The following ZNF532 variants were observed in gnomAD, a reference collection of about 807,000 sequenced individuals.
ZNF532 encodes the protein zinc finger protein 532.
ZNF532 carries 22 observed loss-of-function variants against 89.3 expected under a neutral mutation model. The observed-to-expected ratio is 0.25, with a 90% CI of 0.18 to 0.35. The LOEUF is 0.35. Among genes scored for constraint, ZNF532 ranks in the 10% least tolerant of loss-of-function variants. The pLI is 1.00. For synonymous variants in ZNF532, 606 were observed against 649.6 expected, an observed-to-expected ratio of 0.93 and a Z score of 1.02; for missense variants, 1,132 against 1,643.4, an observed-to-expected ratio of 0.69 and a Z score of 5.38.
intron 3 of ZNF532, among the ~76,000 whole-genome samples, chr18:58,932,134 A>G (rs902657604): frequency 6.6e-6 from 1 of 152,150 alleles, no homozygotes; most frequent in African/African-American, 2.4e-5. Flanking sequence ...CAGGAATTGC[A>G]AAGTATGAAA....
At chr18:58,884,001 A>G (rs1477367498) in intron 2 of ZNF532, among the ~76,000 whole-genome samples, 6 of 151,866 alleles carry the variant, frequency 4.0e-5, no homozygotes, top group Non-Finnish European at 5.9e-5. Flanking sequence ...ACCTTCAGCT[A>G]CTAGTTTTCT....
At chr18:58,889,617 T>G (rs916850219) in intron 2 of ZNF532, among the ~76,000 whole-genome samples, 1 of 151,480 alleles carries the variant, frequency 6.6e-6, no homozygotes, top group African/African-American at 2.4e-5. Flanking sequence ...CTGGCCAATA[T>G]GGTGAAACCC....
chr18:58,965,389 T>TA (rs1315976773), intron 7 of ZNF532, among the ~76,000 whole-genome samples: 1 of 152,236 alleles, frequency 6.6e-6, no homozygotes, highest in African/African-American at 2.4e-5. Flanking sequence ...TTCAATAACT[T>TA]ACCCCAGGGT....
intron 2 of ZNF532, among the ~76,000 whole-genome samples, chr18:58,895,465 T>G (rs530792304): frequency 3.3e-5 from 5 of 152,246 alleles, no homozygotes; most frequent in African/African-American, 1.2e-4. Context: ...GGAACTCTTG[T>G]GGCAAAGAAA....
chr18:58,985,674 T>C lies in ZNF532; in HGVS notation c.*1208T>C, dbSNP rs1283689569. ...GAGGTACTCTTCTGTCCCTTCCGTT[T>C]ATAGTTCTCTGAGAGAGTTCTATTT... On this transcript the variant is annotated 3_prime_UTR_variant, in exon 10 of 10. Coordinates refer to ENST00000591808, the MANE Select transcript of ZNF532 (RefSeq NM_001375912.1). 6.6e-6 allele frequency: 1 copy of C among 152,624 alleles called. No individual in the cohort carries two copies. Among genetic ancestry groups the C allele is most frequent in the Non-Finnish European group, 1.5e-5 (1 of 68,038 alleles). 9.5% of individuals were successfully genotyped at this position (152,624 alleles called of 1,614,324 possible).
intron 2 of ZNF532, among the ~76,000 whole-genome samples, chr18:58,907,183 T>TTTTG (rs2059981984): frequency 6.6e-6 from 1 of 152,152 alleles, no homozygotes; most frequent in African/African-American, 2.4e-5. Flanking sequence ...CTTATGAGTT[T>TTTTG]TTTGTTTGTT....
rs1252167250 is a variant in ZNF532 at position 58,888,895 on chromosome 18, AT to A, written c.-18+23317del. Among the ~76,000 whole-genome samples the A allele has an allele frequency of 1.1e-3, 74 of 64,702 alleles. 6 individuals are homozygous for A. The highest frequency in any genetic ancestry group is 4.8e-3 in the African/African-American group (70 of 14,532). 42.4% of individuals were successfully genotyped at this position (64,702 alleles called of 152,430 possible). A position where few individuals can be genotyped will look rare whatever the true frequency, so the allele number is the denominator to read the frequency against. Reference sequence around the variant, plus strand: ...TATATATTATATATATATATTTTATATATATATATATATATATAATTCATAC... The same window carrying A: ...TATATATTATATATATATATTTTATAATATATATATATATATAATTCATAC... On this transcript the variant is annotated intron_variant, in intron 2 of 9. Transcript: ENST00000591808.
Position 58,927,206 on chromosome 18 carries a change from A to T in ZNF532, c.2346+6573A>T, listed in dbSNP as rs370703608. ...GGGGAATTGGCAGAGATCAAAATTT[A>T]CCTTTGCTACTGGGCTTCTCTGACA... On this transcript the variant is annotated intron_variant, in intron 3 of 9. Transcript: ENST00000591808. Among the ~76,000 whole-genome samples, 45 of 152,188 alleles carry T rather than the reference A, an allele frequency of 3.0e-4. 1 individual carries two copies. The highest frequency in any genetic ancestry group is 1.0e-3 in the African/African-American group (43 of 41,514).
rs2068378034 is a variant in ZNF532 at position 58,986,258 on chromosome 18, A to C, written c.*1792A>C. ...GTTTCTGCATTTGAACCTTGCAATA[A>C]GCCTGTGTGGTAGGCCACATAGGTC... On this transcript the variant is annotated 3_prime_UTR_variant, in exon 10 of 10. Transcript: ENST00000591808. 6.6e-6 allele frequency: 1 copy of C among 152,660 alleles called. No homozygotes were observed. Among genetic ancestry groups the C allele is most frequent in the Non-Finnish European group, 1.5e-5 (1 of 68,052 alleles). 9.5% of individuals were successfully genotyped at this position (152,660 alleles called of 1,614,324 possible). A position where few individuals can be genotyped will look rare whatever the true frequency, so the allele number is the denominator to read the frequency against.
At chr18:58,961,954 GT>G (rs1250084407) in intron 7 of ZNF532, among the ~76,000 whole-genome samples, 2 of 152,200 alleles carry the variant, frequency 1.3e-5, no homozygotes, top group Non-Finnish European at 2.9e-5. Context: ...GCTGGGCATG[GT>G]GGGTCATGCC....
At position 58,984,020 on chromosome 18, in the gene ZNF532, C is replaced by A; in HGVS notation, c.3460C>A (p.Pro1154Thr). Residue 1154 changes from proline to threonine, a missense_variant, in exon 10 of 10, where the codon CCT becomes ACT. This residue lies in a region of ZNF532 where 415 missense variants were observed against 604.8 expected (regional missense o/e 0.69). Coordinates refer to ENST00000591808, the MANE Select transcript of ZNF532 (RefSeq NM_001375912.1). ...GGAAGAACCAGTTCTGGAGTTCAGGCCTCCCCGAGGAGCAATCACTCAACC... is the reference window on the plus strand; with the variant it reads ...GGAAGAACCAGTTCTGGAGTTCAGGACTCCCCGAGGAGCAATCACTCAACC... ...KLEEPVLEFR[P>T]PRGAITQPLK... is the part of the protein sequence containing the mutation. 1 of 1,611,756 alleles carries A rather than the reference C, an allele frequency of 6.2e-7. No individual in the cohort carries two copies. Among genetic ancestry groups the A allele is most frequent in the Non-Finnish European group, 8.5e-7 (1 of 1,179,798 alleles).
chr18:58,893,656 CA>C (rs11389338), intron 2 of ZNF532, among the ~76,000 whole-genome samples: 5,581 of 117,954 alleles, frequency 0.047, 101 homozygotes, highest in Middle Eastern at 0.067. Context: ...GACTCTGTCT[CA>C]AAAAAAAAAA....
chr18:58,907,267 C>A (rs1269895211), intron 2 of ZNF532, among the ~76,000 whole-genome samples: 1 of 152,042 alleles, frequency 6.6e-6, no homozygotes, highest in Admixed American at 6.5e-5. Context: ...CTCACTGCAA[C>A]CTCCGCCTCC....
At chr18:58,979,199 G>A (rs56037175) in intron 8 of ZNF532, 32 bp downstream of exon 8, 1 of 1,559,426 alleles carries the variant, frequency 6.4e-7, no homozygotes. Context: ...AACGCAGTGA[G>A]AGGACTCAGG....
At chr18:58,906,583 C>T (rs372615028) in intron 2 of ZNF532, among the ~76,000 whole-genome samples, 7 of 152,156 alleles carry the variant, frequency 4.6e-5, no homozygotes, top group Admixed American at 1.3e-4. Context: ...AATGCAGCTC[C>T]GGGCAGGTTG....
At chr18:58,867,146 ATTCT>A (rs925219778) in intron 2 of ZNF532, among the ~76,000 whole-genome samples, 1 of 152,246 alleles carries the variant, frequency 6.6e-6, no homozygotes, top group African/African-American at 2.4e-5. Context: ...TTAGTCCTTC[ATTCT>A]TGTCTTTTGA....
chr18:58,943,158 C>CTTTTTTTT, intron 5 of ZNF532, among the ~76,000 whole-genome samples: 1 of 123,122 alleles, frequency 8.1e-6, no homozygotes, highest in Non-Finnish European at 1.7e-5. Context: ...ATTACTATAT[C>CTTTTTTTT]TTTTTTTTTT....
intron 7 of ZNF532, among the ~76,000 whole-genome samples, chr18:58,964,992 TTATAC>T (rs1160853159): frequency 2.0e-5 from 3 of 149,160 alleles, no homozygotes; most frequent in African/African-American, 4.9e-5. Flanking sequence ...TACATATTTC[TTATAC>T]TATATAAATC....
chr18:58,892,683 T>TC (rs2058980893), intron 2 of ZNF532, among the ~76,000 whole-genome samples: 1 of 152,256 alleles, frequency 6.6e-6, no homozygotes, highest in Non-Finnish European at 1.5e-5. Flanking sequence ...ACTTTGGCAT[T>TC]CAAGTTTGAG....
Sources: allele counts gnomAD v4.1 joint callset (sites outside exome capture counted in the v4.1 genomes callset), GRCh38; gene constraint gnomAD v4.1.1; regional missense constraint gnomAD v4.1.1; transcripts MANE v1.5; gene names NCBI Gene and HGNC (gene_info 2026-07-23, HGNC 2026-07-21).